Variants in RGS9 observed in about 807,000 individuals in gnomAD.
The protein encoded by RGS9 is regulator of G protein signaling 9.
In RGS9, 78 loss-of-function variants were observed where a neutral mutation model predicts 102.0. That is an observed-to-expected ratio of 0.76 (90% CI 0.64 to 0.92). RGS9 has a LOEUF of 0.92. Ranked by LOEUF, RGS9 falls within the 40% of genes least tolerant of loss-of-function variation. RGS9 has a pLI of 0.00. For synonymous variants in RGS9, 353 were observed against 318.6 expected, an observed-to-expected ratio of 1.11 and a Z score of -1.15; for missense variants, 833 against 866.1, an observed-to-expected ratio of 0.96 and a Z score of 0.48.
Position 65,160,589 on chromosome 17 carries a change from T to C in RGS9, c.364+2T>C. 1 of 1,614,064 alleles carries C rather than the reference T, an allele frequency of 6.2e-7. No homozygotes were observed. Among genetic ancestry groups the C allele is most frequent in the East Asian group, 2.2e-5 (1 of 44,892 alleles). On this transcript the variant is annotated splice_donor_variant, in intron 5 of 18. Transcript: ENST00000262406. LOFTEE classifies it high-confidence loss of function. ...GGCCAGCTGAAGATACCGATTACGG[T>C]AAATACTTCAGCCCCAACTATGCCT...
rs918508201 is a variant in RGS9, at chr17:65,175,971, T to C, written c.583-1761T>C. ...TTTATCTTAAATTAACTGGGCTTCC[T>C]ACATTTTATCTGGCAGTCTTACATC... On this transcript the variant is annotated intron_variant, in intron 8 of 18. Coordinates refer to ENST00000262406, the MANE Select transcript of RGS9 (RefSeq NM_003835.4). Among the ~76,000 whole-genome samples, 7 of 152,360 alleles carry C rather than the reference T, an allele frequency of 4.6e-5. No individual in the cohort carries two copies. In the East Asian group the frequency reaches 1.2e-3, roughly 25 times the overall value.
intron 17 of RGS9, among the ~76,000 whole-genome samples, chr17:65,215,490 TTC>T (rs1913473532): frequency 1.1e-5 from 1 of 88,852 alleles, no homozygotes; most frequent in African/African-American, 8.8e-5. Context: ...CTTTCTTTCG[TTC>T]TTTCGTTCTT....
Position 65,223,488 on chromosome 17 carries a change from G to A in RGS9, c.1408-1514G>A, listed in dbSNP as rs1018345683. Among the ~76,000 whole-genome samples the A allele has an allele frequency of 7.9e-5, 12 of 152,344 alleles. 1 individual carries two copies. In the East Asian group the frequency reaches 9.7e-4, roughly 12 times the overall value. ...CCCCACCAGAGCTGTTCTTGGGTGC[G>A]CCTGCCCTTCCCTGTTCAGGCTGGG... is the stretch of plus-strand genomic sequence containing the variant. On this transcript the variant is annotated intron_variant, in intron 17 of 18. Coordinates refer to ENST00000262406, the MANE Select transcript of RGS9 (RefSeq NM_003835.4).
intron 9 of RGS9, chr17:65,179,865 C>T (rs1049327374): frequency 1.8e-4 from 28 of 152,118 alleles, no homozygotes; most frequent in African/African-American, 6.3e-4. Context: ...CTGGCAACAC[C>T]CTCAGCCCAG....
chr17:65,184,547 A>G (rs545066461), intron 9 of RGS9, among the ~76,000 whole-genome samples: 1 of 152,208 alleles, frequency 6.6e-6, no homozygotes, highest in South Asian at 2.1e-4. Context: ...TTTACGAATG[A>G]GAAATTAGAG....
rs771067787 is a variant in RGS9, at chr17:65,204,202, A to T, written c.1104A>T (p.Ile368=). The change falls in exon 15 of 19, where the codon ATA becomes ATT. Residue 368 remains isoleucine, a synonymous_variant. Transcript: ENST00000262406. ...LAPGARRWIN[I]DGKTMDITVK... The stretch of plus-strand genomic sequence containing the variant: ...CGGGGGCGAGGCGCTGGATCAACAT[A>T]GATGGCAAAACCATGGACATCACAG... 2 of 1,613,196 alleles carry T rather than the reference A, an allele frequency of 1.2e-6. No homozygotes were observed. The highest frequency in any genetic ancestry group is 1.9e-4 in the Middle Eastern group (1 of 5,242).
chr17:65,155,923 A>G (rs8067101), intron 2 of RGS9, among the ~76,000 whole-genome samples: 4,186 of 152,278 alleles, frequency 0.027, 191 homozygotes, highest in African/African-American at 0.095. Context: ...GAGACCAAAG[A>G]GTTTCAGCAA....
rs1038695477 is a variant in RGS9, at chr17:65,224,862, C to G, written c.1408-140C>G. The G allele has an allele frequency of 5.1e-6, 6 of 1,173,596 alleles. No individual in the cohort carries two copies. In the African/African-American group the frequency reaches 9.0e-5, roughly 18 times the overall value. The allele number at this position is 1,173,596 out of a possible 1,614,324, so 72.7% of individuals were successfully genotyped here. On this transcript the variant is annotated intron_variant, in intron 17 of 18. Transcript: ENST00000262406. ...TCATAGGTAGCTTTGGACACCGTTCCCAGCTCCCTAGGAGGCAGCCATATC... is the reference window on the plus strand; with the variant it reads ...TCATAGGTAGCTTTGGACACCGTTCGCAGCTCCCTAGGAGGCAGCCATATC...
At chr17:65,194,626 G>T (rs1912513740) in intron 12 of RGS9, among the ~76,000 whole-genome samples, 1 of 152,068 alleles carries the variant, frequency 6.6e-6, no homozygotes, top group African/African-American at 2.4e-5. Context: ...GGACCTGCAC[G>T]CTTGTGTTAT....
At chr17:65,195,302 CAGGT>C (rs1424789139) in intron 12 of RGS9, among the ~76,000 whole-genome samples, 2 of 152,084 alleles carry the variant, frequency 1.3e-5, no homozygotes, top group African/African-American at 4.8e-5. Flanking sequence ...GTATTGAAGA[CAGGT>C]AGAGATTGCT....
At chr17:65,186,563 T>C (rs938195388) in intron 9 of RGS9, among the ~76,000 whole-genome samples, 1 of 152,130 alleles carries the variant, frequency 6.6e-6, no homozygotes, top group Non-Finnish European at 1.5e-5. Context: ...CACTCTCAGC[T>C]TCAGGGCAAG....
chr17:65,221,695 C>T (rs576345593), intron 17 of RGS9, among the ~76,000 whole-genome samples: 3 of 152,322 alleles, frequency 2.0e-5, no homozygotes, highest in South Asian at 2.1e-4. Flanking sequence ...ACACTTCCCG[C>T]GGTTCTGAAG....
At position 65,227,652 on chromosome 17, in the gene RGS9, C is replaced by T. The variant is rs1310993166; in HGVS notation, c.*245C>T. On this transcript the variant is annotated 3_prime_UTR_variant, in exon 19 of 19. Coordinates refer to ENST00000262406, the MANE Select transcript of RGS9 (RefSeq NM_003835.4). ...GAAGAAACGCATGTGGACCAGAAGA[C>T]TTTCCCTGCTGCCTTAAAACCAATA... 5 of 557,442 alleles carry T rather than the reference C, an allele frequency of 9.0e-6. No homozygotes were observed. Among genetic ancestry groups the T allele is most frequent in the South Asian group, 2.0e-5 (1 of 49,090 alleles). 34.5% of individuals were successfully genotyped at this position (557,442 alleles called of 1,614,324 possible).
At chr17:65,202,167 G>A (rs1400343365) in intron 14 of RGS9, 87 bp downstream of exon 14, 2 of 890,492 alleles carry the variant, frequency 2.2e-6, no homozygotes, top group African/African-American at 3.3e-5. Context: ...AGGATGAGAG[G>A]ACAACAGCCT....
Position 65,227,398 on chromosome 17 carries a change from G to GGTC in RGS9, c.2016_2017insGTC (p.Glu672_Ser673insVal), listed in dbSNP as rs1905743564. On this transcript the variant is annotated inframe_insertion, in exon 19 of 19. Coordinates refer to ENST00000262406, the MANE Select transcript of RGS9 (RefSeq NM_003835.4). The stretch of plus-strand genomic sequence containing the variant: ...AAAAGGAGGTCATCTGCCCCTGGGA[G>GGTC]AGCCTGTAAGGAAAGAGGCAGGCTG... 2.5e-6 allele frequency: 4 copies of GGTC among 1,613,498 alleles called. No individual in the cohort carries two copies. The highest frequency in any genetic ancestry group is 3.4e-6 in the Non-Finnish European group (4 of 1,179,700).
At chr17:65,212,676 T>G (rs2869580) in intron 17 of RGS9, among the ~76,000 whole-genome samples, 1 of 152,092 alleles carries the variant, frequency 6.6e-6, no homozygotes, top group African/African-American at 2.4e-5. Flanking sequence ...ACTGGTTTCA[T>G]GTTAGCAAAA....
chr17:65,205,714 G>A (rs989924945), intron 15 of RGS9, among the ~76,000 whole-genome samples: 1 of 151,670 alleles, frequency 6.6e-6, no homozygotes, highest in Non-Finnish European at 1.5e-5. Flanking sequence ...ATTGTAATGT[G>A]TTATAGGCTA....
chr17:65,138,978 G>A (rs1310859166), intron 1 of RGS9, among the ~76,000 whole-genome samples: 4 of 47,802 alleles, frequency 8.4e-5, no homozygotes, highest in Non-Finnish European at 1.1e-4. Context: ...CTCCACCCCA[G>A]CATCCCCTCC....
At chr17:65,210,397 T>A in intron 16 of RGS9, 91 bp from the exon 17 acceptor site, 1 of 1,474,502 alleles carries the variant, frequency 6.8e-7, no homozygotes, top group East Asian at 2.3e-5. Context: ...ATTCTGGACC[T>A]TCCAGCCCCA....
Sources: gnomAD v4.1 joint callset for allele counts (sites outside exome capture counted in the v4.1 genomes callset) on GRCh38, gnomAD v4.1.1 for gene constraint, MANE v1.5 for transcripts, NCBI Gene and HGNC (gene_info 2026-07-23, HGNC 2026-07-21) for gene names.